The following DPYD variants were observed in gnomAD, a reference collection of about 807,000 sequenced individuals.
DPYD encodes dihydropyrimidine dehydrogenase [NADP(+)].
A neutral mutation model predicts 116.2 loss-of-function variants in DPYD; 109 were observed. The ratio of observed to expected loss-of-function variants is 0.94; its 90% CI spans 0.80 to 1.10. The LOEUF is 1.10. DPYD is among the 50% of genes least tolerant of loss of function. The pLI is 0.00. For synonymous variants in DPYD, 440 were observed against 432.0 expected, an observed-to-expected ratio of 1.02 and a Z score of -0.23; for missense variants, 1,302 against 1,254.5, an observed-to-expected ratio of 1.04 and a Z score of -0.57.
At chr1:97,293,754 C>A (rs1479354587) in intron 18 of DPYD, among the ~76,000 whole-genome samples, 1 of 151,964 alleles carries the variant, frequency 6.6e-6, no homozygotes, top group East Asian at 1.9e-4. Context: ...CCAGACTGGC[C>A]AACATGGCAA....
chr1:97,478,788 A>G (rs1254161583), intron 13 of DPYD, among the ~76,000 whole-genome samples: 4 of 152,156 alleles, frequency 2.6e-5, no homozygotes, highest in Non-Finnish European at 5.9e-5. Context: ...CTACATCGAA[A>G]ATCTGTTATC....
intron 13 of DPYD, among the ~76,000 whole-genome samples, chr1:97,466,765 A>G (rs1281542959): frequency 3.3e-5 from 5 of 152,214 alleles, no homozygotes; most frequent in African/African-American, 1.2e-4. Flanking sequence ...ATTAAAGGCC[A>G]CCAGGCATCC....
intron 14 of DPYD, among the ~76,000 whole-genome samples, chr1:97,428,113 C>A (rs1166437860): frequency 1.3e-4 from 20 of 152,056 alleles, no homozygotes; most frequent in Non-Finnish European, 2.5e-4. Context: ...GTGAGAGGTC[C>A]ATTTAATCAA....
intron 20 of DPYD, among the ~76,000 whole-genome samples, chr1:97,122,776 A>G (rs540138528): frequency 6.6e-6 from 1 of 152,264 alleles, no homozygotes; most frequent in African/African-American, 2.4e-5. Flanking sequence ...CCTTCAGTTA[A>G]AAAAAGAAAC....
chr1:97,474,424 T>A (rs1041983539), intron 13 of DPYD, among the ~76,000 whole-genome samples: 1 of 152,068 alleles, frequency 6.6e-6, no homozygotes, highest in Non-Finnish European at 1.5e-5. Flanking sequence ...TATTTCACAT[T>A]TAAAATTTCT....
intron 6 of DPYD, among the ~76,000 whole-genome samples, chr1:97,696,962 G>C (rs533198020): frequency 8.5e-5 from 13 of 152,120 alleles, no homozygotes; most frequent in African/African-American, 2.6e-4. Context: ...GCAAAGGGCA[G>C]CATTGGCCTC....
At chr1:97,560,558 CA>C (rs67653141) in intron 11 of DPYD, among the ~76,000 whole-genome samples, 12,843 of 111,414 alleles carry the variant, frequency 0.12, 559 homozygotes, top group Non-Finnish European at 0.14. Flanking sequence ...ATTCAATTAG[CA>C]AAAAAAAAAA....
chr1:97,447,553 A>G (rs1676158528), intron 14 of DPYD, among the ~76,000 whole-genome samples: 1 of 152,236 alleles, frequency 6.6e-6, no homozygotes, highest in African/African-American at 2.4e-5. Flanking sequence ...AATGATGTGT[A>G]TAATCTAAAT....
At chr1:97,132,260 G>A (rs1391900317) in intron 20 of DPYD, among the ~76,000 whole-genome samples, 1 of 152,096 alleles carries the variant, frequency 6.6e-6, no homozygotes, top group African/African-American at 2.4e-5. Context: ...ATACTTCAGT[G>A]TAAGAACTGT....
chr1:97,745,669 T>C (rs911247183), intron 3 of DPYD, among the ~76,000 whole-genome samples: 2 of 152,208 alleles, frequency 1.3e-5, no homozygotes, highest in East Asian at 3.9e-4. Context: ...ATTATTTATC[T>C]TCATCCATAA....
At chr1:97,169,788 C>T (rs1656591182) in intron 20 of DPYD, among the ~76,000 whole-genome samples, 1 of 152,074 alleles carries the variant, frequency 6.6e-6, no homozygotes. Flanking sequence ...TAGTGTAACT[C>T]TTGCTGTATG....
intron 16 of DPYD, among the ~76,000 whole-genome samples, chr1:97,324,394 G>T (rs58645363): frequency 0.11 from 17,331 of 152,026 alleles, 1,405 homozygotes; most frequent in African/African-American, 0.22. Context: ...TCTCCAAGTG[G>T]TTGCTTTTTG....
intron 5 of DPYD, chr1:97,720,420 A>T (rs542071491): frequency 1.7e-4 from 165 of 985,896 alleles, no homozygotes; most frequent in Non-Finnish European, 1.9e-4. Flanking sequence ...TAAAGATCAT[A>T]CTTCGTAGTG....
intron 14 of DPYD, among the ~76,000 whole-genome samples, chr1:97,437,011 T>C (rs1230395514): frequency 2.0e-5 from 3 of 151,780 alleles, no homozygotes; most frequent in African/African-American, 4.8e-5. Flanking sequence ...ATATGTTATA[T>C]AAAGAATAAA....
At chr1:97,463,545 G>A (rs900451117) in intron 13 of DPYD, among the ~76,000 whole-genome samples, 2 of 152,202 alleles carry the variant, frequency 1.3e-5, no homozygotes, top group Non-Finnish European at 2.9e-5. Context: ...TAAAAATGTG[G>A]AAGTGACTAT....
At chr1:97,368,205 A>C (rs1488684163) in intron 16 of DPYD, among the ~76,000 whole-genome samples, 1 of 152,140 alleles carries the variant, frequency 6.6e-6, no homozygotes, top group Non-Finnish European at 1.5e-5. Flanking sequence ...AGTTGGGAAT[A>C]CTAGACAGAA....
At chr1:97,608,187 G>A (rs1345815199) in intron 8 of DPYD, among the ~76,000 whole-genome samples, 1 of 151,848 alleles carries the variant, frequency 6.6e-6, no homozygotes, top group Non-Finnish European at 1.5e-5. Flanking sequence ...TCGCACTGGA[G>A]CACTTTCTCA....
intron 8 of DPYD, among the ~76,000 whole-genome samples, chr1:97,670,394 C>T (rs1659796070): frequency 6.6e-6 from 1 of 152,112 alleles, no homozygotes; most frequent in African/African-American, 2.4e-5. Context: ...AAGGTGGGGC[C>T]CCCATCATGG....
At chr1:97,591,154 C>T (rs1374809906) in intron 10 of DPYD, among the ~76,000 whole-genome samples, 1 of 152,144 alleles carries the variant, frequency 6.6e-6, no homozygotes, top group Non-Finnish European at 1.5e-5. Context: ...TTCCTCATCT[C>T]TTTGTTCAAA....
Sources: gnomAD v4.1 joint callset for allele counts (sites outside exome capture counted in the v4.1 genomes callset) on GRCh38, gnomAD v4.1.1 for gene constraint, MANE v1.5 for transcripts, NCBI Gene and HGNC (gene_info 2026-07-23, HGNC 2026-07-21) for gene names.